TBC1D4: variants seen among roughly 807,000 people sequenced by gnomAD.
TBC1D4 encodes the protein TBC1 domain family member 4, also known as TBC (Tre-2, BUB2, CDC16) domain-containing protein.
In TBC1D4, 121 loss-of-function variants were observed where a neutral mutation model predicts 142.5. The ratio of observed to expected loss-of-function variants is 0.85; its 90% CI spans 0.73 to 0.99. The LOEUF (loss-of-function observed/expected upper bound fraction) is 0.99. Ranked by LOEUF, TBC1D4 falls within the 50% of genes least tolerant of loss-of-function variation. The pLI is 0.00. For synonymous variants in TBC1D4, 630 were observed against 628.2 expected (o/e 1.00, Z -0.04); for missense variants, 1,475 against 1,606.6 (o/e 0.92, Z 1.40).
intron 1 of TBC1D4, among the ~76,000 whole-genome samples, chr13:75,379,708 C>A (rs2138248103): frequency 1.3e-5 from 2 of 152,038 alleles, no homozygotes; most frequent in East Asian, 1.9e-4. Flanking sequence ...CCTTAAATAG[C>A]CTCATGTCAG....
chr13:75,416,647 C>T (rs1885930609), intron 1 of TBC1D4, among the ~76,000 whole-genome samples: 1 of 152,236 alleles, frequency 6.6e-6, no homozygotes, highest in Non-Finnish European at 1.5e-5. Flanking sequence ...GATCAGGCTA[C>T]ATCTTATGCC....
At chr13:75,397,821 T>C (rs1310501189) in intron 1 of TBC1D4, among the ~76,000 whole-genome samples, 1 of 152,186 alleles carries the variant, frequency 6.6e-6, no homozygotes. Flanking sequence ...AAATTATTCG[T>C]AGTTTTCCCA....
chr13:75,428,756 T>C (rs1487366934), intron 1 of TBC1D4, among the ~76,000 whole-genome samples: 1 of 152,226 alleles, frequency 6.6e-6, no homozygotes, highest in Non-Finnish European at 1.5e-5. Context: ...CTTTGCCTTC[T>C]TGGACAGAGG....
intron 1 of TBC1D4, among the ~76,000 whole-genome samples, chr13:75,457,605 T>A (rs1448326279): frequency 6.6e-6 from 1 of 152,198 alleles, no homozygotes; most frequent in Non-Finnish European, 1.5e-5. Flanking sequence ...ACTTAGAAAT[T>A]AAGCACTATA....
chr13:75,413,764 A>G (rs923638481), intron 1 of TBC1D4, among the ~76,000 whole-genome samples: 4 of 152,206 alleles, frequency 2.6e-5, no homozygotes, highest in Admixed American at 6.5e-5. Context: ...TATGACCTGT[A>G]GCTTCCTCAG....
intron 1 of TBC1D4, among the ~76,000 whole-genome samples, chr13:75,444,415 C>T (rs916612034): frequency 2.6e-5 from 4 of 152,290 alleles, no homozygotes; most frequent in African/African-American, 9.6e-5. Flanking sequence ...GCTTGAGCCA[C>T]CTTTCCTGGC....
At chr13:75,400,125 T>C (rs919397588) in intron 1 of TBC1D4, among the ~76,000 whole-genome samples, 6 of 152,234 alleles carry the variant, frequency 3.9e-5, no homozygotes, top group Non-Finnish European at 5.9e-5. Context: ...AAACAACTGC[T>C]GTTGATTTAA....
At position 75,362,587 on chromosome 13, in the gene TBC1D4, G is replaced by A; in HGVS notation, c.519C>T (p.Ser173=). 1 of 1,614,050 alleles carries A rather than the reference G, an allele frequency of 6.2e-7. No individual in the cohort carries two copies. Among genetic ancestry groups the A allele is most frequent in the Non-Finnish European group, 8.5e-7 (1 of 1,179,952 alleles). The change falls in exon 2 of 21, where the codon AGC becomes AGT. Residue 173 remains serine (S), a synonymous_variant. Coordinates refer to ENST00000377636, the MANE Select transcript of TBC1D4 (RefSeq NM_014832.5). This position sits in a 1 kb window ranked among gnomAD's most constrained non-coding sequence, Gnocchi z 4.2. ...TGGCCGCTTTAGATAATTGCCTTAT[G>A]CTGCTAATAACATCAGGAACCTGGG... The part of the protein sequence containing the change: ...DPSQVPDVIS[S]IRQLSKAAMK...
chr13:75,299,795 T>C (rs1027919930), intron 16 of TBC1D4, among the ~76,000 whole-genome samples: 5 of 140,430 alleles, frequency 3.6e-5, no homozygotes, highest in Admixed American at 1.5e-4. Context: ...GGAGGAAACA[T>C]TTTATGCTAA....
chr13:75,464,309 C>T (rs771993812), intron 1 of TBC1D4, among the ~76,000 whole-genome samples: 12 of 152,150 alleles, frequency 7.9e-5, no homozygotes, highest in Admixed American at 1.3e-4. Context: ...TTTACCGGAA[C>T]GAGGGCAAGG....
At chr13:75,358,137 C>T (rs1216700155) in intron 3 of TBC1D4, among the ~76,000 whole-genome samples, 1 of 152,108 alleles carries the variant, frequency 6.6e-6, no homozygotes, top group Admixed American at 6.5e-5. Context: ...GTTCAGACAT[C>T]ACTTTCTCTT....
At position 75,362,611 on chromosome 13, in the gene TBC1D4, G is replaced by A; in HGVS notation, c.499-4C>T. On this transcript the variant is annotated splice_polypyrimidine_tract_variant and splice_region_variant and intron_variant, in intron 1 of 20. Transcript: ENST00000377636. This position sits in a 1 kb window ranked among gnomAD's most constrained non-coding sequence, Gnocchi z 4.2. ...TGCTGCTAATAACATCAGGAACCTG[G>A]GGGAAAAAATTAAAACCCTGATTCT... 1 of 1,613,478 alleles carries A rather than the reference G, an allele frequency of 6.2e-7. No individual in the cohort carries two copies. Among genetic ancestry groups the A allele is most frequent in the South Asian group, 1.1e-5 (1 of 91,016 alleles).
chr13:75,439,331 C>A (rs1886936194), intron 1 of TBC1D4, among the ~76,000 whole-genome samples: 1 of 152,032 alleles, frequency 6.6e-6, no homozygotes, highest in Non-Finnish European at 1.5e-5. Context: ...TAATTTTTTA[C>A]TTTTTCACAG....
At chr13:75,407,333 T>C (rs1164885863) in intron 1 of TBC1D4, among the ~76,000 whole-genome samples, 1 of 152,200 alleles carries the variant, frequency 6.6e-6, no homozygotes. Context: ...ATATCTTCTG[T>C]TTTTGTCAGA....
chr13:75,302,725 T>G, intron 15 of TBC1D4: 1 of 380,990 alleles, frequency 2.6e-6, no homozygotes, highest in Admixed American at 4.0e-5. Context: ...ACAACTCAAC[T>G]ATAAGGTAGG....
intron 1 of TBC1D4, among the ~76,000 whole-genome samples, chr13:75,394,590 T>C (rs1347923989): frequency 3.4e-5 from 4 of 119,108 alleles, no homozygotes; most frequent in Non-Finnish European, 7.6e-5. Context: ...CTTGCCAAAA[T>C]ATAAACCTTA....
chr13:75,404,977 C>T (rs980353183), intron 1 of TBC1D4, among the ~76,000 whole-genome samples: 1 of 152,142 alleles, frequency 6.6e-6, no homozygotes, highest in African/African-American at 2.4e-5. Flanking sequence ...CTTTTAGGTA[C>T]TGCACATCTA....
intron 4 of TBC1D4, among the ~76,000 whole-genome samples, chr13:75,355,450 C>A (rs1881963520): frequency 6.6e-6 from 1 of 152,102 alleles, no homozygotes; most frequent in South Asian, 2.1e-4. Context: ...ATATGAACTC[C>A]AATTACCTTG....
chr13:75,470,375 G>T (rs1205222184), intron 1 of TBC1D4, among the ~76,000 whole-genome samples: 2 of 152,082 alleles, frequency 1.3e-5, no homozygotes, highest in Non-Finnish European at 2.9e-5. Context: ...TCAAAGTGTG[G>T]GCACCAGACT....
Sources: gnomAD v4.1 joint callset for allele counts (sites outside exome capture counted in the v4.1 genomes callset) on GRCh38, gnomAD v4.1.1 for gene constraint, Gnocchi (gnomAD v3.1) non-coding constraint, MANE v1.5 for transcripts, NCBI Gene and HGNC (gene_info 2026-07-23, HGNC 2026-07-21) for gene names.